C8orf34: variants seen among roughly 807,000 people sequenced by gnomAD.
C8orf34 encodes uncharacterized protein C8orf34.
C8orf34 carries 65 observed loss-of-function variants against 68.3 expected under a neutral mutation model. The ratio of observed to expected loss-of-function variants is 0.95; its 90% CI spans 0.78 to 1.17. The LOEUF (loss-of-function observed/expected upper bound fraction) is 1.17, where lower values mean the gene tolerates loss of function less well. C8orf34 is among the 50% of genes most tolerant of loss of function. The pLI, the probability that C8orf34 is intolerant of heterozygous loss-of-function variation, is 0.00. For synonymous variants in C8orf34, 244 were observed against 241.2 expected (o/e 1.01, Z -0.11); for missense variants, 664 against 655.4 (o/e 1.01, Z -0.14).
At chr8:68,494,096 A>G (rs1813422867) in intron 5 of C8orf34, among the ~76,000 whole-genome samples, 1 of 152,244 alleles carries the variant, frequency 6.6e-6, no homozygotes, top group Non-Finnish European at 1.5e-5. Context: ...ATTCACAATG[A>G]CCAAGAGGTG....
At position 68,622,515 on chromosome 8, in the gene C8orf34, G is replaced by T. The variant is rs539866161; in HGVS notation, c.1106-17861G>T. ...CCAGAACATATGTGCTTTTTGTGTT[G>T]CTTATATAGCAGTGTGGTAGGTCGA... is the stretch of plus-strand genomic sequence containing the variant. On this transcript the variant is annotated intron_variant, in intron 7 of 13. Coordinates refer to ENST00000518698, the MANE Select transcript of C8orf34 (RefSeq NM_052958.4). 7.9e-5 allele frequency among the ~76,000 whole-genome samples: 12 copies of T among 152,218 alleles called. No homozygotes were observed. The South Asian group carries it at 2.5e-3, about 32-fold the overall frequency.
chr8:68,466,094 G>A (rs1307601885), intron 3 of C8orf34, among the ~76,000 whole-genome samples: 1 of 151,100 alleles, frequency 6.6e-6, no homozygotes, highest in Non-Finnish European at 1.5e-5. Context: ...GAAACTGGAG[G>A]TTATTATCTT....
intron 1 of C8orf34, among the ~76,000 whole-genome samples, chr8:68,396,398 C>T (rs1458334267): frequency 6.6e-6 from 1 of 151,926 alleles, no homozygotes; most frequent in East Asian, 1.9e-4. Flanking sequence ...TAAACTTGGG[C>T]AAGTCAGTTT....
chr8:68,576,476 G>A (rs547778639), intron 7 of C8orf34, among the ~76,000 whole-genome samples: 6 of 151,600 alleles, frequency 4.0e-5, no homozygotes, highest in Admixed American at 1.3e-4. Context: ...AGAAGGAAGC[G>A]CCAGTTCTTA....
At chr8:68,764,153 C>T (rs1248143705) in intron 10 of C8orf34, among the ~76,000 whole-genome samples, 1 of 152,116 alleles carries the variant, frequency 6.6e-6, no homozygotes, top group Non-Finnish European at 1.5e-5. Flanking sequence ...TCATAGAGCC[C>T]CTTGTGGTAC....
At chr8:68,566,361 G>A (rs1432653729) in intron 7 of C8orf34, among the ~76,000 whole-genome samples, 1 of 152,112 alleles carries the variant, frequency 6.6e-6, no homozygotes, top group Non-Finnish European at 1.5e-5. Flanking sequence ...CGTTCTTTGT[G>A]TTCATAGGTT....
chr8:68,441,565 C>CATAGTTCACTAT (rs373835052), intron 2 of C8orf34, among the ~76,000 whole-genome samples: 131 of 152,182 alleles, frequency 8.6e-4, no homozygotes, highest in African/African-American at 3.1e-3. Context: ...GTGGCATGAT[C>CATAGTTCACTAT]ATAGTTCACT....
chr8:68,467,638 A>AT (rs1812206053), intron 3 of C8orf34, among the ~76,000 whole-genome samples: 1 of 151,876 alleles, frequency 6.6e-6, no homozygotes, highest in African/African-American at 2.4e-5. Context: ...AAGTCTTGCC[A>AT]TTTTTTGATT....
intron 7 of C8orf34, among the ~76,000 whole-genome samples, chr8:68,619,502 C>G (rs994108867): frequency 6.6e-6 from 1 of 151,990 alleles, no homozygotes; most frequent in Admixed American, 6.6e-5. Context: ...TGCCCTTGAA[C>G]CAATGTATTT....
intron 7 of C8orf34, among the ~76,000 whole-genome samples, chr8:68,636,401 C>G (rs1818845576): frequency 6.9e-6 from 1 of 145,680 alleles, no homozygotes; most frequent in South Asian, 2.2e-4. Flanking sequence ...CAGTGAAACC[C>G]TGCCTCTACT....
rs1253750572 is a variant in C8orf34, at chr8:68,805,869, C to CTTTATAT, written c.1550-10011_1550-10010insTTTTATA. Among the ~76,000 whole-genome samples the CTTTATAT allele has an allele frequency of 2.6e-5, 4 of 152,036 alleles. No individual in the cohort carries two copies. In the East Asian group the frequency reaches 7.7e-4, roughly 29 times the overall value. On this transcript the variant is annotated intron_variant, in intron 12 of 13. Coordinates refer to ENST00000518698, the MANE Select transcript of C8orf34 (RefSeq NM_052958.4). ...TTGAATTTACTATATTACCAACTTACTTTATACTTTATATTTTATTTTCTC... is the reference window on the plus strand; with the variant it reads ...TTGAATTTACTATATTACCAACTTACTTTATATTTTATACTTTATATTTTATTTTCTC...
chr8:68,610,861 G>GTTT (rs60113883), intron 7 of C8orf34, among the ~76,000 whole-genome samples: 15,725 of 119,030 alleles, frequency 0.13, 945 homozygotes, highest in Admixed American at 0.15. Flanking sequence ...TGAATCTTTG[G>GTTT]TTTTTTTTTT....
chr8:68,806,144 G>C (rs1824475821), intron 12 of C8orf34, among the ~76,000 whole-genome samples: 1 of 151,920 alleles, frequency 6.6e-6, no homozygotes, highest in African/African-American at 2.4e-5. Flanking sequence ...GAATTTTATA[G>C]GAGTATTGGC....
chr8:68,375,528 A>G (rs1807755276), intron 1 of C8orf34, among the ~76,000 whole-genome samples: 1 of 152,184 alleles, frequency 6.6e-6, no homozygotes, highest in Non-Finnish European at 1.5e-5. Flanking sequence ...ATGTTCAAGT[A>G]TTTCTGCTTT....
intron 10 of C8orf34, among the ~76,000 whole-genome samples, chr8:68,741,154 C>T (rs558748847): frequency 4.6e-5 from 7 of 152,076 alleles, no homozygotes; most frequent in African/African-American, 1.2e-4. Flanking sequence ...GACGAAATAA[C>T]GTGTTCGACA....
At chr8:68,747,226 G>T (rs1371024340) in intron 10 of C8orf34, among the ~76,000 whole-genome samples, 3 of 151,610 alleles carry the variant, frequency 2.0e-5, no homozygotes, top group African/African-American at 7.3e-5. Context: ...GTATTGATGG[G>T]ACGTATTTCA....
intron 1 of C8orf34, among the ~76,000 whole-genome samples, chr8:68,368,010 C>T (rs992394270): frequency 1.4e-5 from 2 of 147,744 alleles, no homozygotes; most frequent in Admixed American, 1.4e-4. Context: ...AGTGAAGGTG[C>T]TATAGAATCT....
Position 68,360,752 on chromosome 8 carries a change from C to CTTTTTTTTTTTTTTTTTTTTTTTTTTT in C8orf34, c.327+29416_327+29417insTTTTTTTTTTTTTTTTTTTTTTTTTTT, listed in dbSNP as rs1319672272. On this transcript the variant is annotated intron_variant, in intron 1 of 13. Transcript: ENST00000518698. Reference sequence around the variant, plus strand: ...GAATATTTCCCTTTTCCTTTTCTTCCTTTCTTTTTTTTTTTTTTTTTCTTG... The same window carrying CTTTTTTTTTTTTTTTTTTTTTTTTTTT: ...GAATATTTCCCTTTTCCTTTTCTTCCTTTTTTTTTTTTTTTTTTTTTTTTTTTTTTCTTTTTTTTTTTTTTTTTCTTG... Among the ~76,000 whole-genome samples, 2 of 144,192 alleles carry CTTTTTTTTTTTTTTTTTTTTTTTTTTT rather than the reference C, an allele frequency of 1.4e-5. 1 individual carries two copies. The highest frequency in any genetic ancestry group is 5.3e-5 in the African/African-American group (2 of 37,672). The allele number at this position is 144,192 out of a possible 152,430, so 94.6% of individuals were successfully genotyped here.
chr8:68,516,017 T>C (rs1441013617), intron 5 of C8orf34, among the ~76,000 whole-genome samples: 1 of 152,230 alleles, frequency 6.6e-6, no homozygotes, highest in East Asian at 1.9e-4. Flanking sequence ...ATTCCAAACA[T>C]CTAATGTGTT....
Sources: gnomAD v4.1 joint callset for allele counts (sites outside exome capture counted in the v4.1 genomes callset) on GRCh38, gnomAD v4.1.1 for gene constraint, MANE v1.5 for transcripts, NCBI Gene and HGNC (gene_info 2026-07-23, HGNC 2026-07-21) for gene names.